TMCC1: variants seen among roughly 807,000 people sequenced by gnomAD.
TMCC1 encodes transmembrane and coiled-coil domains protein 1.
A neutral mutation model predicts 52.4 loss-of-function variants in TMCC1; 15 were observed. The ratio of observed to expected loss-of-function variants is 0.29; its 90% confidence interval spans 0.19 to 0.44. The LOEUF (loss-of-function observed/expected upper bound fraction) is 0.44, where lower values mean the gene tolerates loss of function less well. TMCC1 is among the 20% of genes least tolerant of loss of function. TMCC1 has a pLI of 1.00. For synonymous variants in TMCC1, 279 were observed against 301.9 expected (o/e 0.92, Z 0.79); for missense variants, 503 against 806.0 (o/e 0.62, Z 4.55).
chr3:129,829,029 G>A (rs772829952), intron 3 of TMCC1, among the ~76,000 whole-genome samples: 31 of 152,328 alleles, frequency 2.0e-4, no homozygotes, highest in Admixed American at 4.6e-4. Context: ...GGAAAAGTGT[G>A]TTACCATTCA....
At chr3:129,713,466 A>C (rs1447567531) in intron 4 of TMCC1, among the ~76,000 whole-genome samples, 1 of 152,222 alleles carries the variant, frequency 6.6e-6, no homozygotes, top group Non-Finnish European at 1.5e-5. Context: ...GCAATGATAT[A>C]AAATGGAAAG....
chr3:129,834,321 T>G (rs2059057343), intron 2 of TMCC1, among the ~76,000 whole-genome samples: 1 of 152,160 alleles, frequency 6.6e-6, no homozygotes, highest in Admixed American at 6.6e-5. Context: ...GAAATAAGAT[T>G]AAATGGGTAA....
chr3:129,706,199 T>C (rs570126713), intron 4 of TMCC1, among the ~76,000 whole-genome samples: 10 of 151,616 alleles, frequency 6.6e-5, no homozygotes, highest in Admixed American at 5.9e-4. Flanking sequence ...CAAAACACTT[T>C]TTTATTTTTT....
chr3:129,739,065 C>T (rs902990965), intron 4 of TMCC1, among the ~76,000 whole-genome samples: 1 of 152,220 alleles, frequency 6.6e-6, no homozygotes, highest in Non-Finnish European at 1.5e-5. Flanking sequence ...GACACACCTA[C>T]CTTGGTCTCC....
intron 6 of TMCC1, among the ~76,000 whole-genome samples, chr3:129,652,435 C>T (rs1439649665): frequency 6.6e-6 from 1 of 152,158 alleles, no homozygotes; most frequent in African/African-American, 2.4e-5. Context: ...ATTATATCCC[C>T]TCCCTTTTTG....
intron 4 of TMCC1, among the ~76,000 whole-genome samples, chr3:129,746,502 T>A (rs2051988932): frequency 6.6e-6 from 1 of 152,146 alleles, no homozygotes; most frequent in Non-Finnish European, 1.5e-5. Context: ...CTGTGTAATA[T>A]AAAGTATTAC....
intron 2 of TMCC1, among the ~76,000 whole-genome samples, chr3:129,879,179 G>A (rs991140501): frequency 1.3e-5 from 2 of 152,152 alleles, no homozygotes; most frequent in Non-Finnish European, 2.9e-5. Context: ...GGTGGCTCAT[G>A]CCTGTAATCC....
chr3:129,722,450 C>A (rs1278291575), intron 4 of TMCC1, among the ~76,000 whole-genome samples: 2 of 152,148 alleles, frequency 1.3e-5, no homozygotes, highest in African/African-American at 4.8e-5. Context: ...CAAAACCGGT[C>A]CCTGGTGCCA....
At chr3:129,778,231 C>T (rs373114272) in intron 4 of TMCC1, among the ~76,000 whole-genome samples, 1 of 152,074 alleles carries the variant, frequency 6.6e-6, no homozygotes, top group African/African-American at 2.4e-5. Context: ...ACAGTATTCA[C>T]GATTCTAAAT....
chr3:129,731,595 A>C (rs977397370), intron 4 of TMCC1, among the ~76,000 whole-genome samples: 1 of 152,068 alleles, frequency 6.6e-6, no homozygotes, highest in African/African-American at 2.4e-5. Context: ...ATAAATAAAT[A>C]AGAACTCTTA....
chr3:129,727,784 C>T (rs926808443), intron 4 of TMCC1, among the ~76,000 whole-genome samples: 1 of 152,164 alleles, frequency 6.6e-6, no homozygotes, highest in African/African-American at 2.4e-5. Flanking sequence ...AGTCTTCTTC[C>T]CATACTGACT....
At chr3:129,786,805 TC>T (rs1343434686) in intron 4 of TMCC1, among the ~76,000 whole-genome samples, 1 of 152,210 alleles carries the variant, frequency 6.6e-6, no homozygotes, top group Non-Finnish European at 1.5e-5. Context: ...AATTTCCATT[TC>T]AAGGAATGTC....
At chr3:129,687,677 T>C (rs1411532545) in intron 4 of TMCC1, among the ~76,000 whole-genome samples, 1 of 152,146 alleles carries the variant, frequency 6.6e-6, no homozygotes, top group Admixed American at 6.6e-5. Context: ...TCACAACCAC[T>C]TGATATCAAA....
chr3:129,678,359 CTTTT>C (rs71155564), intron 4 of TMCC1, among the ~76,000 whole-genome samples: 1 of 117,202 alleles, frequency 8.5e-6, no homozygotes, highest in Admixed American at 1.1e-4. Flanking sequence ...TTGTTTAATT[CTTTT>C]TTTTTTTTTT....
chr3:129,868,055 C>T (rs1433924230), intron 2 of TMCC1, among the ~76,000 whole-genome samples: 2 of 152,126 alleles, frequency 1.3e-5, no homozygotes, highest in African/African-American at 4.8e-5. Flanking sequence ...TAATTTAAGG[C>T]TCACATTCTA....
intron 4 of TMCC1, among the ~76,000 whole-genome samples, chr3:129,719,914 C>T (rs2049426915): frequency 6.6e-6 from 1 of 152,106 alleles, no homozygotes; most frequent in East Asian, 1.9e-4. Flanking sequence ...CACGGTGTCT[C>T]ATGCCTGTAA....
intron 2 of TMCC1, among the ~76,000 whole-genome samples, chr3:129,845,568 GAT>G (rs1407836391): frequency 6.6e-6 from 1 of 152,042 alleles, no homozygotes; most frequent in Non-Finnish European, 1.5e-5. Flanking sequence ...ATATAAATCA[GAT>G]ATATACTATC....
intron 2 of TMCC1, among the ~76,000 whole-genome samples, chr3:129,874,991 A>C (rs978122082): frequency 6.6e-6 from 1 of 152,136 alleles, no homozygotes; most frequent in Non-Finnish European, 1.5e-5. Context: ...GTACTGTCTT[A>C]AGTTGTCGGA....
chr3:129,881,446 CAT>C (rs1263800456), intron 1 of TMCC1, among the ~76,000 whole-genome samples: 1 of 152,066 alleles, frequency 6.6e-6, no homozygotes, highest in African/African-American at 2.4e-5. Context: ...AAACAAATAT[CAT>C]AGAACTACTA....
Sources: gnomAD v4.1 joint callset for allele counts (sites outside exome capture counted in the v4.1 genomes callset) on GRCh38, gnomAD v4.1.1 for gene constraint, MANE v1.5 for transcripts, NCBI Gene and HGNC (gene_info 2026-07-23, HGNC 2026-07-21) for gene names.